The following CFTR variants were observed in gnomAD, a reference collection of about 807,000 sequenced individuals.
The protein encoded by CFTR is cystic fibrosis transmembrane conductance regulator.
A neutral mutation model predicts 171.6 loss-of-function variants in CFTR; 181 were observed. That is an observed-to-expected ratio of 1.05 (90% CI 0.93 to 1.19). The LOEUF is 1.19. CFTR is among the 50% of genes most tolerant of loss of function. The probability of loss-of-function intolerance (pLI) is 0.00; values close to 1 mark genes in which losing one functional copy is unlikely to be tolerated. For missense variants in CFTR, 1,968 were observed against 1,734.7 expected, an observed-to-expected ratio of 1.13 and a Z score of -2.39; for synonymous variants, 583 against 608.0, an observed-to-expected ratio of 0.96 and a Z score of 0.60.
intron 12 of CFTR, 33 bp from the exon 13 acceptor site, chr7:117,590,320 G>A (rs1352146885): frequency 3.8e-6 from 6 of 1,593,614 alleles, no homozygotes; most frequent in South Asian, 1.1e-5. Context: ...GAAATAGAGA[G>A]GAAATGTAAT....
chr7:117,596,646 A>T (rs1305647935), intron 15 of CFTR, among the ~76,000 whole-genome samples: 1 of 152,168 alleles, frequency 6.6e-6, no homozygotes, highest in East Asian at 1.9e-4. Context: ...AGCACTCTGT[A>T]TCTAGCTCAA....
At chr7:117,539,334 A>G (rs1799008421) in intron 7 of CFTR, among the ~76,000 whole-genome samples, 1 of 152,224 alleles carries the variant, frequency 6.6e-6, no homozygotes, top group South Asian at 2.1e-4. Context: ...GCAAATAATT[A>G]TATTGAAATG....
chr7:117,653,031 G>A (rs867040386), intron 24 of CFTR, 100 bp downstream of exon 24: 47 of 809,594 alleles, frequency 5.8e-5, no homozygotes, highest in Admixed American at 4.6e-4. Context: ...GTGCATGTAT[G>A]TGTGTGCACA....
chr7:117,571,787 CAG>C (rs1228428742), intron 11 of CFTR, among the ~76,000 whole-genome samples: 5 of 151,960 alleles, frequency 3.3e-5, no homozygotes, highest in South Asian at 4.2e-4. Context: ...AGATATTAAA[CAG>C]AGTTACATAT....
chr7:117,668,200 T>C lies in CFTR; in HGVS notation c.*1092T>C, dbSNP rs1254767920. 1.3e-5 allele frequency: 2 copies of C among 152,256 alleles called. No homozygotes were observed. The highest frequency in any genetic ancestry group is 2.9e-5 in the Non-Finnish European group (2 of 68,046). 9.4% of individuals were successfully genotyped at this position (152,256 alleles called of 1,614,324 possible). A position where few individuals can be genotyped will look rare whatever the true frequency, so the allele number is the denominator to read the frequency against. On this transcript the variant is annotated 3_prime_UTR_variant, in exon 27 of 27. Coordinates refer to ENST00000003084, the MANE Select transcript of CFTR (RefSeq NM_000492.4). ...ATTAGTTTTATATGCTTCTGTTTTA[T>C]AATTTTGTGAAGCAAAATTTTTTCT... is the stretch of plus-strand genomic sequence containing the variant.
chr7:117,593,913 C>T (rs1339211389), intron 14 of CFTR, among the ~76,000 whole-genome samples: 1 of 152,110 alleles, frequency 6.6e-6, no homozygotes, highest in Non-Finnish European at 1.5e-5. Flanking sequence ...GCGCCCAGCC[C>T]ATCTATATAG....
chr7:117,624,542 C>T (rs1439855596), intron 21 of CFTR, among the ~76,000 whole-genome samples: 1 of 152,168 alleles, frequency 6.6e-6, no homozygotes, highest in African/African-American at 2.4e-5. Flanking sequence ...ATGAGTATTT[C>T]CTGGGCTTTG....
chr7:117,500,199 C>T (rs1252992305), intron 1 of CFTR, among the ~76,000 whole-genome samples: 1 of 148,636 alleles, frequency 6.7e-6, no homozygotes, highest in Non-Finnish European at 1.5e-5. Context: ...GTATAGATGT[C>T]TGGTTTTTTT....
intron 9 of CFTR, among the ~76,000 whole-genome samples, chr7:117,542,647 A>G (rs1458974849): frequency 2.0e-5 from 3 of 152,236 alleles, no homozygotes; most frequent in African/African-American, 7.2e-5. Context: ...TTTGTTTCAC[A>G]TAACAGATCA....
intron 16 of CFTR, 37 bp from the exon 17 acceptor site, chr7:117,603,495 T>C: frequency 6.2e-7 from 1 of 1,612,790 alleles, no homozygotes; most frequent in Non-Finnish European, 8.5e-7. Context: ...GTAAGTAACT[T>C]TGGCTGCCAA....
At chr7:117,634,318 G>C (rs901212487) in intron 22 of CFTR, among the ~76,000 whole-genome samples, 1 of 152,070 alleles carries the variant, frequency 6.6e-6, no homozygotes, top group East Asian at 1.9e-4. Context: ...CAAGGGATCT[G>C]TAGTGATGTC....
intron 22 of CFTR, among the ~76,000 whole-genome samples, chr7:117,631,477 T>TC (rs891724069): frequency 2.0e-5 from 3 of 152,122 alleles, no homozygotes; most frequent in African/African-American, 7.2e-5. Flanking sequence ...ACTTTCATCT[T>TC]CCCCCCTTGA....
intron 20 of CFTR, among the ~76,000 whole-genome samples, chr7:117,612,234 TACAC>T (rs112904263): frequency 0.029 from 4,016 of 140,756 alleles, 67 homozygotes; most frequent in Non-Finnish European, 0.044. Flanking sequence ...CATCCGCATT[TACAC>T]ACACACACAC....
At chr7:117,637,363 T>C (rs1031342831) in intron 22 of CFTR, among the ~76,000 whole-genome samples, 2 of 152,082 alleles carry the variant, frequency 1.3e-5, no homozygotes, top group Non-Finnish European at 2.9e-5. Flanking sequence ...AAGTATTCTG[T>C]AGTCCTATGA....
At chr7:117,602,053 A>T (rs1207246560) in intron 15 of CFTR, among the ~76,000 whole-genome samples, 5 of 151,920 alleles carry the variant, frequency 3.3e-5, no homozygotes, top group African/African-American at 1.2e-4. Context: ...TTTTTTTAAG[A>T]CAATCTCACT....
At chr7:117,507,131 C>T (rs1350771230) in intron 2 of CFTR, among the ~76,000 whole-genome samples, 1 of 152,188 alleles carries the variant, frequency 6.6e-6, no homozygotes. Context: ...AAAACTTCTT[C>T]CCTTCTGATC....
chr7:117,570,701 A>G (rs1285497894), intron 11 of CFTR, among the ~76,000 whole-genome samples: 1 of 152,160 alleles, frequency 6.6e-6, no homozygotes, highest in Non-Finnish European at 1.5e-5. Context: ...TATCTCAGAC[A>G]CTAATGATTT....
At chr7:117,505,566 C>T (rs1798401130) in intron 2 of CFTR, among the ~76,000 whole-genome samples, 1 of 152,166 alleles carries the variant, frequency 6.6e-6, no homozygotes, top group African/African-American at 2.4e-5. Context: ...TTAAGGACCA[C>T]GAAAGAAGGA....
In CFTR at chr7:117,627,643, A is replaced by G. The variant is rs765133036; in HGVS notation, c.3590A>G (p.His1197Arg). 1.1e-5 allele frequency: 18 copies of G among 1,613,520 alleles called. No homozygotes were observed. The highest frequency in any genetic ancestry group is 2.2e-5 in the South Asian group (2 of 91,074). Reference protein sequence around the residue: ...LSKVMIIENSHVKKDDIWPSG... With the variant: ...LSKVMIIENSRVKKDDIWPSG... ...AAAGTTATGATTATTGAGAATTCACACGTGAAGAAAGATGACATCTGGCCC... is the reference window on the plus strand; with the variant it reads ...AAAGTTATGATTATTGAGAATTCACGCGTGAAGAAAGATGACATCTGGCCC... The change falls in exon 22 of 27, where the codon CAC becomes CGC. Residue 1197 changes from histidine (H) to arginine (R), a missense_variant. His to Arg is a conservative substitution (Grantham distance 29). Transcript: ENST00000003084.
Sources: allele counts gnomAD v4.1 joint callset (sites outside exome capture counted in the v4.1 genomes callset), GRCh38; gene constraint gnomAD v4.1.1; transcripts MANE v1.5; gene names NCBI Gene and HGNC (gene_info 2026-07-23, HGNC 2026-07-21).